Variants in JAM2 observed in about 807,000 individuals in gnomAD.
JAM2 encodes junctional adhesion molecule 2.
Under a neutral mutation model 42.0 loss-of-function variants are expected in JAM2, and 17 were observed. That is an observed-to-expected ratio of 0.40 (90% CI 0.28 to 0.61). The LOEUF (loss-of-function observed/expected upper bound fraction) is 0.61, where lower values mean the gene tolerates loss of function less well. Among genes scored for constraint, JAM2 ranks in the 20% least tolerant of loss-of-function variants. The pLI is 0.37. For synonymous variants in JAM2, 118 were observed against 128.6 expected, an observed-to-expected ratio of 0.92 and a Z score of 0.56; for missense variants, 319 against 358.3, an observed-to-expected ratio of 0.89 and a Z score of 0.89.
intron 1 of JAM2, among the ~76,000 whole-genome samples, chr21:25,642,863 G>A (rs1276112982): frequency 3.3e-5 from 5 of 152,190 alleles, no homozygotes; most frequent in East Asian, 1.9e-4. Context: ...TATAAACAAC[G>A]TTTATTTCTC....
chr21:25,648,264 A>G (rs759950811), intron 1 of JAM2, among the ~76,000 whole-genome samples: 2 of 152,214 alleles, frequency 1.3e-5, no homozygotes, highest in Non-Finnish European at 2.9e-5. Flanking sequence ...TTTGATCAGA[A>G]GCAGAACTGA....
intron 1 of JAM2, among the ~76,000 whole-genome samples, chr21:25,669,257 A>G (rs1361383285): frequency 1.3e-5 from 2 of 152,026 alleles, no homozygotes; most frequent in Non-Finnish European, 2.9e-5. Flanking sequence ...GCTGTGGTCC[A>G]GCTACTCGGA....
intron 1 of JAM2, among the ~76,000 whole-genome samples, chr21:25,650,775 T>C (rs2032752413): frequency 6.6e-6 from 1 of 152,076 alleles, no homozygotes; most frequent in African/African-American, 2.4e-5. Flanking sequence ...ATAAGTAAAA[T>C]AATGTGAGAT....
At chr21:25,670,648 G>T (rs547322547) in intron 1 of JAM2, among the ~76,000 whole-genome samples, 6 of 152,128 alleles carry the variant, frequency 3.9e-5, no homozygotes, top group African/African-American at 9.7e-5. Flanking sequence ...AAAAAAGTGC[G>T]TGTTGGTGTT....
chr21:25,657,243 G>A (rs558845663), intron 1 of JAM2, among the ~76,000 whole-genome samples: 1 of 152,118 alleles, frequency 6.6e-6, no homozygotes, highest in East Asian at 1.9e-4. Flanking sequence ...TGAACTCCTG[G>A]GCTCAAGTGA....
intron 2 of JAM2, among the ~76,000 whole-genome samples, chr21:25,688,866 C>G (rs553875118): frequency 6.6e-6 from 1 of 152,208 alleles, no homozygotes; most frequent in African/African-American, 2.4e-5. Flanking sequence ...TTTTTTAGGT[C>G]AAACCATATG....
intron 5 of JAM2, among the ~76,000 whole-genome samples, chr21:25,700,258 A>G (rs978600741): frequency 6.6e-5 from 10 of 151,882 alleles, no homozygotes; most frequent in African/African-American, 2.2e-4. Context: ...GTAATATTCT[A>G]TGTCAGTTTA....
intron 4 of JAM2, among the ~76,000 whole-genome samples, chr21:25,696,689 T>A (rs2034043984): frequency 1.3e-5 from 2 of 152,164 alleles, no homozygotes; most frequent in African/African-American, 4.8e-5. Flanking sequence ...GGAAAATCTG[T>A]TTCCAGGCTC....
At chr21:25,706,441 C>A (rs542851042) in intron 7 of JAM2, among the ~76,000 whole-genome samples, 1 of 152,294 alleles carries the variant, frequency 6.6e-6, no homozygotes, top group African/African-American at 2.4e-5. Context: ...CTTGGCCTTC[C>A]AAAGTGCTGG....
chr21:25,681,990 G>GA (rs2033644070), intron 1 of JAM2, among the ~76,000 whole-genome samples: 1 of 151,942 alleles, frequency 6.6e-6, no homozygotes, highest in Non-Finnish European at 1.5e-5. Flanking sequence ...TCAAAAAAAA[G>GA]AAAAAAAGAA....
At chr21:25,658,234 G>A (rs1006857823) in intron 1 of JAM2, among the ~76,000 whole-genome samples, 1 of 151,822 alleles carries the variant, frequency 6.6e-6, no homozygotes, top group African/African-American at 2.4e-5. Flanking sequence ...TAAATATAGG[G>A]GACATCAAAG....
intron 1 of JAM2, among the ~76,000 whole-genome samples, chr21:25,652,607 T>A (rs894497015): frequency 5.9e-5 from 9 of 152,220 alleles, no homozygotes; most frequent in Non-Finnish European, 1.3e-4. Flanking sequence ...TGTTATATTA[T>A]AGGAAATACA....
chr21:25,658,047 G>A (rs1431362748), intron 1 of JAM2, among the ~76,000 whole-genome samples: 7 of 152,166 alleles, frequency 4.6e-5, no homozygotes, highest in Admixed American at 4.6e-4. Flanking sequence ...AATAATATTG[G>A]AGATAAACAA....
intron 7 of JAM2, among the ~76,000 whole-genome samples, chr21:25,707,252 C>T (rs1030176186): frequency 6.6e-5 from 10 of 151,930 alleles, no homozygotes; most frequent in Admixed American, 6.6e-4. Flanking sequence ...GAGTCTGAGG[C>T]GGGAGGATTA....
At chr21:25,700,605 T>C (rs2034145761) in intron 5 of JAM2, among the ~76,000 whole-genome samples, 1 of 152,104 alleles carries the variant, frequency 6.6e-6, no homozygotes, top group South Asian at 2.1e-4. Context: ...AAGTGATCGC[T>C]CGCCTGGGCC....
chr21:25,713,168 AG>A (rs1230549041), intron 9 of JAM2, among the ~76,000 whole-genome samples: 1 of 152,216 alleles, frequency 6.6e-6, no homozygotes, highest in Non-Finnish European at 1.5e-5. Flanking sequence ...ATTAGGGATT[AG>A]GTTTCAACAT....
intron 3 of JAM2, among the ~76,000 whole-genome samples, chr21:25,691,094 A>G (rs1226972328): frequency 6.6e-6 from 1 of 152,244 alleles, no homozygotes; most frequent in Non-Finnish European, 1.5e-5. Context: ...TTTCCATTAT[A>G]AATATTTCTA....
At chr21:25,688,442 G>A (rs2033803843) in intron 2 of JAM2, among the ~76,000 whole-genome samples, 1 of 152,216 alleles carries the variant, frequency 6.6e-6, no homozygotes, top group Admixed American at 6.5e-5. Context: ...CAAAATACCG[G>A]AAGGAAACCT....
At chr21:25,650,921 A>G (rs2032756888) in intron 1 of JAM2, among the ~76,000 whole-genome samples, 1 of 152,154 alleles carries the variant, frequency 6.6e-6, no homozygotes, top group Admixed American at 6.5e-5. Context: ...AGAATGCTTA[A>G]TCAATATTGT....
Sources: allele counts gnomAD v4.1 joint callset (sites outside exome capture counted in the v4.1 genomes callset), GRCh38; gene constraint gnomAD v4.1.1; transcripts MANE v1.5; gene names NCBI Gene and HGNC (gene_info 2026-07-23, HGNC 2026-07-21).